Variants in DLGAP2 observed in about 807,000 individuals in gnomAD.
DLGAP2 encodes the protein DLG associated protein 2.
In DLGAP2, 26 loss-of-function variants were observed where a neutral mutation model predicts 100.3. The ratio of observed to expected loss-of-function variants is 0.26; its 90% confidence interval spans 0.19 to 0.36. The LOEUF (loss-of-function observed/expected upper bound fraction) is 0.36, where lower values mean the gene tolerates loss of function less well. DLGAP2 is among the 10% of genes least tolerant of loss of function. The pLI is 1.00. For missense variants in DLGAP2, 1,858 were observed against 1,453.2 expected (o/e 1.28, Z -4.53); for synonymous variants, 886 against 630.1 (o/e 1.41, Z -6.08).
intron 2 of DLGAP2, among the ~76,000 whole-genome samples, chr8:1,052,450 T>A (rs1457766048): frequency 6.6e-6 from 1 of 152,110 alleles, no homozygotes; most frequent in African/African-American, 2.4e-5. Context: ...AATGGGGAAA[T>A]TTTGCTGTAA....
At chr8:1,420,982 G>C (rs1283816844) in intron 3 of DLGAP2, among the ~76,000 whole-genome samples, 2 of 152,142 alleles carry the variant, frequency 1.3e-5, no homozygotes, top group African/African-American at 4.8e-5. Flanking sequence ...CAAAGAGCGG[G>C]GTCCTCTCTC....
chr8:900,404 C>A (rs529805346), intron 1 of DLGAP2, among the ~76,000 whole-genome samples: 1 of 152,118 alleles, frequency 6.6e-6, no homozygotes, highest in African/African-American at 2.4e-5. Context: ...CTCCTCTTCA[C>A]GGTGTTGCTC....
intron 3 of DLGAP2, among the ~76,000 whole-genome samples, chr8:1,307,356 TGAAAA>T (rs1314639577): frequency 6.6e-6 from 1 of 151,858 alleles, no homozygotes; most frequent in African/African-American, 2.4e-5. Flanking sequence ...ACAACAACAA[TGAAAA>T]GAAAAGAACA....
intron 3 of DLGAP2, among the ~76,000 whole-genome samples, chr8:1,355,158 A>G (rs1041226934): frequency 8.5e-5 from 13 of 152,258 alleles, no homozygotes; most frequent in African/African-American, 2.7e-4. Context: ...CCGAGCAGAA[A>G]GCACCGTGAA....
chr8:961,563 G>C (rs1486120217), intron 2 of DLGAP2, among the ~76,000 whole-genome samples: 1 of 152,142 alleles, frequency 6.6e-6, no homozygotes, highest in African/African-American at 2.4e-5. Flanking sequence ...GAGCTGTCCT[G>C]GCTGTGCAAC....
rs763917081 is a variant in DLGAP2, at chr8:1,549,170, C to G, written c.717C>G (p.Leu239=). 5 of 1,599,340 alleles carry G rather than the reference C, an allele frequency of 3.1e-6. No individual in the cohort carries two copies. Among genetic ancestry groups the G allele is most frequent in the Non-Finnish European group, 3.4e-6 (4 of 1,174,028 alleles). ...IRHLVHSVQK[L]FTKSHSLEGS... is the part of the protein sequence containing the mutation. ...ACCTGGTACACTCCGTGCAGAAGCT[C>G]TTCACCAAGTCGCACTCGCTGGAGG... is the stretch of plus-strand genomic sequence containing the variant. The change falls in exon 5 of 15, where the codon CTC becomes CTG. Residue 239 remains leucine, a synonymous_variant. Transcript: ENST00000637795.
intron 2 of DLGAP2, among the ~76,000 whole-genome samples, chr8:911,654 A>C (rs921977409): frequency 6.6e-6 from 1 of 151,694 alleles, no homozygotes; most frequent in South Asian, 2.1e-4. Context: ...AGGATGCTGG[A>C]GAATGTTGGA....
chr8:1,164,893 G>T (rs910111755), intron 2 of DLGAP2, among the ~76,000 whole-genome samples: 1 of 152,048 alleles, frequency 6.6e-6, no homozygotes, highest in Admixed American at 6.6e-5. Flanking sequence ...TCTTGACCTC[G>T]TCTCCTGTAA....
intron 2 of DLGAP2, among the ~76,000 whole-genome samples, chr8:1,006,146 A>C (rs1801102858): frequency 6.6e-6 from 1 of 152,132 alleles, no homozygotes; most frequent in African/African-American, 2.4e-5. Flanking sequence ...CCGAGATCGC[A>C]CCACTGCACT....
At chr8:1,021,781 A>G (rs905853211) in intron 2 of DLGAP2, among the ~76,000 whole-genome samples, 1 of 152,050 alleles carries the variant, frequency 6.6e-6, no homozygotes, top group African/African-American at 2.4e-5. Context: ...CCCAACCCAG[A>G]TGCTGTGGGG....
chr8:862,851 G>A (rs1043360512), intron 1 of DLGAP2, among the ~76,000 whole-genome samples: 4 of 152,180 alleles, frequency 2.6e-5, no homozygotes, highest in Non-Finnish European at 4.4e-5. Flanking sequence ...GGAGGTCTCT[G>A]ATCATGATGT....
At chr8:856,185 CTTTT>C (rs71223338) in intron 1 of DLGAP2, among the ~76,000 whole-genome samples, 5 of 130,560 alleles carry the variant, frequency 3.8e-5, no homozygotes, top group African/African-American at 1.1e-4. Flanking sequence ...TCTTCTTCTT[CTTTT>C]TTTTTTTTTT....
At chr8:1,179,118 G>A (rs186362046) in intron 2 of DLGAP2, among the ~76,000 whole-genome samples, 3 of 152,262 alleles carry the variant, frequency 2.0e-5, no homozygotes, top group East Asian at 3.9e-4. Flanking sequence ...ACCTGTTTAC[G>A]ATACCAAAGT....
intron 2 of DLGAP2, among the ~76,000 whole-genome samples, chr8:964,904 G>A (rs944619517): frequency 6.6e-6 from 1 of 152,222 alleles, no homozygotes; most frequent in Non-Finnish European, 1.5e-5. Flanking sequence ...CTTCCCGCTC[G>A]CTGAGCCCGA....
At chr8:1,501,755 G>A (rs1273665000) in intron 4 of DLGAP2, among the ~76,000 whole-genome samples, 2 of 152,164 alleles carry the variant, frequency 1.3e-5, no homozygotes, top group Non-Finnish European at 2.9e-5. Context: ...AACTCAGGAA[G>A]CAGGGTGTTC....
intron 2 of DLGAP2, among the ~76,000 whole-genome samples, chr8:1,235,403 C>A (rs1177127548): frequency 1.3e-5 from 2 of 151,594 alleles, no homozygotes; most frequent in Non-Finnish European, 2.9e-5. Context: ...GTCTCGTTCT[C>A]TCTCACGTGG....
intron 3 of DLGAP2, among the ~76,000 whole-genome samples, chr8:1,333,856 A>T (rs572711437): frequency 6.6e-6 from 1 of 152,374 alleles, no homozygotes; most frequent in African/African-American, 2.4e-5. Flanking sequence ...GCTCAGATCT[A>T]GCAGAGCAGG....
intron 3 of DLGAP2, among the ~76,000 whole-genome samples, chr8:1,273,203 C>T (rs1446345775): frequency 6.6e-6 from 1 of 152,158 alleles, no homozygotes; most frequent in Non-Finnish European, 1.5e-5. Flanking sequence ...ACAGGGGGGC[C>T]CTCCCACCAG....
chr8:1,459,664 A>T (rs541993428), intron 3 of DLGAP2, among the ~76,000 whole-genome samples: 15 of 147,414 alleles, frequency 1.0e-4, no homozygotes, highest in Non-Finnish European at 1.6e-4. Flanking sequence ...CCTCTCTGGC[A>T]TTTTAAATTC....
Sources: gnomAD v4.1 joint callset for allele counts (sites outside exome capture counted in the v4.1 genomes callset) on GRCh38, gnomAD v4.1.1 for gene constraint, MANE v1.5 for transcripts, NCBI Gene and HGNC (gene_info 2026-07-23, HGNC 2026-07-21) for gene names.